The following TENM2 variants were observed in gnomAD, a reference collection of about 807,000 sequenced individuals.
TENM2 encodes the protein teneurin transmembrane protein 2, also known as teneurin-2.
TENM2 carries 52 observed loss-of-function variants against 245.2 expected under a neutral mutation model. The observed-to-expected ratio is 0.21, with a 90% CI of 0.17 to 0.27. The LOEUF (loss-of-function observed/expected upper bound fraction) is 0.27. Among genes scored for constraint, TENM2 ranks in the 10% least tolerant of loss-of-function variants. The pLI, the probability that TENM2 is intolerant of heterozygous loss-of-function variation, is 1.00. For synonymous variants in TENM2, 1,363 were observed against 1,438.9 expected, an observed-to-expected ratio of 0.95 and a Z score of 1.19; for missense variants, 3,046 against 3,666.8, an observed-to-expected ratio of 0.83 and a Z score of 4.37.
At chr5:168,004,517 GCACACACACACA>G (rs550787443) in intron 5 of TENM2, among the ~76,000 whole-genome samples, 39 of 132,224 alleles carry the variant, frequency 2.9e-4, no homozygotes, top group African/African-American at 3.0e-4. Context: ...GCGCGCGCGC[GCACACACACACA>G]CACACACACA....
chr5:167,372,105 T>G (rs1418089506), intron 1 of TENM2, among the ~76,000 whole-genome samples: 1 of 152,246 alleles, frequency 6.6e-6, no homozygotes, highest in East Asian at 1.9e-4. Context: ...AAATCAATAT[T>G]GATTTTAGAG....
chr5:167,507,737 G>A (rs776046277), intron 2 of TENM2, among the ~76,000 whole-genome samples: 2 of 152,158 alleles, frequency 1.3e-5, no homozygotes, highest in African/African-American at 4.8e-5. Context: ...TTACCAGGTT[G>A]CTGTGTATGG....
intron 1 of TENM2, among the ~76,000 whole-genome samples, chr5:167,298,831 C>T (rs977984400): frequency 2.0e-5 from 3 of 152,142 alleles, no homozygotes; most frequent in African/African-American, 7.2e-5. Context: ...CTTGGAGAAA[C>T]AGTGTAAACT....
At chr5:168,065,972 T>C (rs1160132746) in intron 7 of TENM2, among the ~76,000 whole-genome samples, 2 of 152,060 alleles carry the variant, frequency 1.3e-5, no homozygotes, top group Non-Finnish European at 2.9e-5. Flanking sequence ...GTTCTGGTTG[T>C]CACACTGTGA....
intron 5 of TENM2, among the ~76,000 whole-genome samples, chr5:168,021,058 G>A (rs956388934): frequency 6.6e-6 from 1 of 152,184 alleles, no homozygotes; most frequent in Non-Finnish European, 1.5e-5. Flanking sequence ...TAGAAAGTCA[G>A]GAGCAGGCTA....
At chr5:167,849,833 C>T (rs892179856) in intron 2 of TENM2, among the ~76,000 whole-genome samples, 5 of 152,168 alleles carry the variant, frequency 3.3e-5, no homozygotes, top group African/African-American at 7.2e-5. Flanking sequence ...GAGATGCATA[C>T]GGCAAGTAAG....
the TENM2 span, among the ~76,000 whole-genome samples, chr5:166,998,454 C>T: frequency 6.6e-6 from 1 of 152,078 alleles, no homozygotes; most frequent in Non-Finnish European, 1.5e-5. Flanking sequence ...CAGACTTTAA[C>T]GTAACTACCA....
chr5:167,558,352 A>G (rs1008966069), intron 2 of TENM2, among the ~76,000 whole-genome samples: 5 of 152,256 alleles, frequency 3.3e-5, no homozygotes, highest in Admixed American at 1.3e-4. Context: ...CTTCAAACAC[A>G]TAATTTCACA....
chr5:167,202,027 C>G, the TENM2 span, among the ~76,000 whole-genome samples: 1 of 152,134 alleles, frequency 6.6e-6, no homozygotes, highest in Admixed American at 6.6e-5. Flanking sequence ...GAGGTGCCCC[C>G]TTGTCTCATG....
Position 168,098,260 on chromosome 5 carries a change from C to G in TENM2, c.1813+133C>G. On this transcript the variant is annotated intron_variant, in intron 9 of 28. Coordinates refer to ENST00000518659, the Ensembl canonical transcript of TENM2. ...AGACATCTTGCAAGCCCATGCATGC[C>G]AGAAGGCATAAGCCTTCGTAAAGAG... is the stretch of plus-strand genomic sequence containing the variant. The G allele has an allele frequency of 4.5e-6, 3 of 670,456 alleles. No homozygotes were observed. In the South Asian group the frequency reaches 5.3e-5, roughly 12 times the overall value. The allele number at this position is 670,456 out of a possible 1,614,324, so 41.5% of individuals were successfully genotyped here.
intron 25 of TENM2, among the ~76,000 whole-genome samples, chr5:168,235,834 G>A (rs879416976): frequency 6.6e-6 from 1 of 152,132 alleles, no homozygotes; most frequent in Non-Finnish European, 1.5e-5. Flanking sequence ...ATTGTGATGG[G>A]TGCTTTGGGA....
the TENM2 span, among the ~76,000 whole-genome samples, chr5:167,081,197 A>G: frequency 6.6e-6 from 1 of 151,892 alleles, no homozygotes; most frequent in Non-Finnish European, 1.5e-5. Flanking sequence ...AAAGGGGAAA[A>G]CATATCTTTA....
At chr5:167,148,090 T>C in the TENM2 span, among the ~76,000 whole-genome samples, 2 of 152,162 alleles carry the variant, frequency 1.3e-5, no homozygotes, top group South Asian at 4.1e-4. Context: ...ACCAGCACTC[T>C]GAAATGATCG....
intron 2 of TENM2, among the ~76,000 whole-genome samples, chr5:167,823,828 G>C (rs1425346042): frequency 6.6e-6 from 1 of 152,148 alleles, no homozygotes; most frequent in Non-Finnish European, 1.5e-5. Context: ...TAATTCTCCT[G>C]TATGTTGCAT....
chr5:168,114,583 G>A (rs1794918034), intron 9 of TENM2, among the ~76,000 whole-genome samples: 2 of 152,168 alleles, frequency 1.3e-5, no homozygotes, highest in Non-Finnish European at 2.9e-5. Flanking sequence ...GCTCTCCAAT[G>A]CAGGACACCC....
chr5:168,056,805 T>C (rs1323785206), intron 6 of TENM2, among the ~76,000 whole-genome samples: 1 of 152,164 alleles, frequency 6.6e-6, no homozygotes, highest in Non-Finnish European at 1.5e-5. Flanking sequence ...TTTTTTACTG[T>C]GTCTTTTCTA....
At chr5:168,020,309 AACCCAG>A (rs1352763963) in intron 5 of TENM2, among the ~76,000 whole-genome samples, 2 of 152,188 alleles carry the variant, frequency 1.3e-5, no homozygotes, top group Admixed American at 6.5e-5. Flanking sequence ...GATTCTCCAA[AACCCAG>A]ACCCTTAGAC....
At chr5:167,871,645 C>T (rs1489257885) in intron 2 of TENM2, among the ~76,000 whole-genome samples, 2 of 152,114 alleles carry the variant, frequency 1.3e-5, no homozygotes, top group Non-Finnish European at 2.9e-5. Flanking sequence ...GCTGCCTTTG[C>T]CTGTTTCCTT....
chr5:167,872,653 A>G (rs1773086193), intron 2 of TENM2, among the ~76,000 whole-genome samples: 1 of 152,238 alleles, frequency 6.6e-6, no homozygotes, highest in Non-Finnish European at 1.5e-5. Flanking sequence ...ACCAGTAAGC[A>G]GAGTTGAAGG....
Sources: gnomAD v4.1 joint callset for allele counts (sites outside exome capture counted in the v4.1 genomes callset) on GRCh38, gnomAD v4.1.1 for gene constraint, MANE v1.5 for transcripts, NCBI Gene and HGNC (gene_info 2026-07-23, HGNC 2026-07-21) for gene names.